ZC3HC1: variants seen among roughly 807,000 people sequenced by gnomAD.
ZC3HC1 encodes the protein zinc finger C3HC-type containing 1.
ZC3HC1 carries 38 observed loss-of-function variants against 61.9 expected under a neutral mutation model. The ratio of observed to expected loss-of-function variants is 0.61; its 90% CI spans 0.47 to 0.81. The LOEUF is 0.81. ZC3HC1 is among the 30% of genes least tolerant of loss of function. ZC3HC1 has a pLI of 0.00. For synonymous variants in ZC3HC1, 213 were observed against 229.9 expected (o/e 0.93, Z 0.67); for missense variants, 554 against 622.7 (o/e 0.89, Z 1.17).
At chr7:130,037,792 C>T (rs1377250532) in intron 4 of ZC3HC1, among the ~76,000 whole-genome samples, 1 of 152,144 alleles carries the variant, frequency 6.6e-6, no homozygotes. Context: ...AATATACCTA[C>T]ATGGCACTGA....
chr7:130,040,889 A>C (rs1056429501), intron 3 of ZC3HC1, 62 bp downstream of exon 3: 4 of 1,448,478 alleles, frequency 2.8e-6, no homozygotes, highest in African/African-American at 2.9e-5. Context: ...TTCCCCCCCC[A>C]GAAAACCAGG....
At position 130,023,583 on chromosome 7, in the gene ZC3HC1, G is replaced by T; in HGVS notation, c.1161C>A (p.Thr387=). Residue 387 remains threonine, a synonymous_variant, in exon 8 of 10, where the codon ACC becomes ACA. Coordinates refer to ENST00000358303, the MANE Select transcript of ZC3HC1 (RefSeq NM_016478.5). The surrounding 1 kb of genome is among the most constrained non-coding windows in gnomAD (Gnocchi z 4.2). ...GGCTAGATGGTACCTCCAGGCCAGG[G>T]GTGTCTCCTGTTCCCATGCTTCGGG... ...PVTRSMGTGD[T]PGLEVPSSPL... 2.5e-6 allele frequency: 4 copies of T among 1,614,102 alleles called. No homozygotes were observed. The highest frequency in any genetic ancestry group is 2.7e-5 in the African/African-American group (2 of 75,022).
At chr7:130,020,104 T>G (rs770434763) in intron 9 of ZC3HC1, among the ~76,000 whole-genome samples, 2 of 151,842 alleles carry the variant, frequency 1.3e-5, no homozygotes, top group Non-Finnish European at 1.5e-5. Flanking sequence ...CGTGAGCCAC[T>G]GCGCCCGGCC....
At chr7:130,021,098 G>A (rs1396165666) in intron 9 of ZC3HC1, among the ~76,000 whole-genome samples, 1 of 151,400 alleles carries the variant, frequency 6.6e-6, no homozygotes, top group African/African-American at 2.4e-5. Context: ...GTAGAGACGA[G>A]GTTTCACCAT....
intron 2 of ZC3HC1, chr7:130,045,567 G>A (rs1563085519): frequency 2.2e-6 from 1 of 456,998 alleles, no homozygotes; most frequent in Non-Finnish European, 4.4e-6. Context: ...TAATTATGAT[G>A]ACTTGTACTT....
At chr7:130,029,085 A>G in intron 4 of ZC3HC1, 56 bp from the exon 5 acceptor site, 2 of 1,547,666 alleles carry the variant, frequency 1.3e-6, no homozygotes, top group Non-Finnish European at 1.7e-6. Context: ...AAAATAAAAA[A>G]CACGGCTGGG....
intron 2 of ZC3HC1, chr7:130,045,380 G>C (rs1290298055): frequency 7.0e-6 from 3 of 429,628 alleles, no homozygotes; most frequent in Non-Finnish European, 1.4e-5. Context: ...ACGTGGTGTG[G>C]TACCACATTT....
chr7:130,024,089 C>T (rs569137990), intron 7 of ZC3HC1, among the ~76,000 whole-genome samples, 174 bp downstream of exon 7: 7 of 152,184 alleles, frequency 4.6e-5, no homozygotes, highest in Admixed American at 6.6e-5. Context: ...CGTGAGCCAC[C>T]GGGTCTGGCT....
intron 9 of ZC3HC1, among the ~76,000 whole-genome samples, chr7:130,020,517 G>A (rs946728819): frequency 2.7e-5 from 4 of 150,800 alleles, no homozygotes; most frequent in Non-Finnish European, 4.4e-5. Context: ...CTGCGTCAGC[G>A]TCCCAAAGTG....
At chr7:130,027,478 T>A (rs1031428430) in intron 5 of ZC3HC1, 6 of 152,222 alleles carry the variant, frequency 3.9e-5, no homozygotes, top group Admixed American at 3.9e-4. Flanking sequence ...GGTGATTAAA[T>A]GGAACAGTAA....
At chr7:130,019,723 G>A (rs1256547623) in intron 9 of ZC3HC1, among the ~76,000 whole-genome samples, 2 of 151,178 alleles carry the variant, frequency 1.3e-5, no homozygotes, top group African/African-American at 2.4e-5. Context: ...AGTATTCCAC[G>A]CAGAAAGGGT....
At chr7:130,022,095 C>T (rs1410597951) in intron 9 of ZC3HC1, among the ~76,000 whole-genome samples, 2 of 152,096 alleles carry the variant, frequency 1.3e-5, no homozygotes, top group Non-Finnish European at 2.9e-5. Context: ...TCGCTTGACC[C>T]AGGAGGCGGA....
At chr7:130,042,676 TTTTG>T (rs1374773257) in intron 2 of ZC3HC1, among the ~76,000 whole-genome samples, 1 of 152,154 alleles carries the variant, frequency 6.6e-6, no homozygotes, top group Non-Finnish European at 1.5e-5. Flanking sequence ...TGCTCAGTTT[TTTTG>T]TTTGTTTTGT....
chr7:130,043,890 T>C (rs543458627), intron 2 of ZC3HC1: 11 of 452,818 alleles, frequency 2.4e-5, no homozygotes, highest in Non-Finnish European at 4.9e-5. Flanking sequence ...AGTAAATATA[T>C]TAAGGATAAC....
At chr7:130,025,198 G>A (rs1185195683) in intron 6 of ZC3HC1, among the ~76,000 whole-genome samples, 3 of 150,958 alleles carry the variant, frequency 2.0e-5, no homozygotes, top group Non-Finnish European at 3.0e-5. Flanking sequence ...GTGAGCCACC[G>A]TACCCACCCT....
Position 130,018,678 on chromosome 7 carries a change from G to A in ZC3HC1, c.1495C>T (p.Leu499=). The A allele has an allele frequency of 6.2e-7, 1 of 1,612,274 alleles. No individual in the cohort carries two copies. The highest frequency in any genetic ancestry group is 8.5e-7 in the Non-Finnish European group (1 of 1,178,570). ...CTGGAGTATCTTCAGCATGAGCACA[G>A]AGATTCCCACTGCCGAAATATTCGG... ...VFRIFRQWES[L]CSC is the part of the protein sequence containing the mutation. The change falls in exon 10 of 10, where the codon CTG becomes TTG. Residue 499 remains leucine (L), a synonymous_variant. Coordinates refer to ENST00000358303, the MANE Select transcript of ZC3HC1 (RefSeq NM_016478.5).
intron 2 of ZC3HC1, among the ~76,000 whole-genome samples, chr7:130,044,142 T>G (rs1794783320): frequency 6.6e-6 from 1 of 152,140 alleles, no homozygotes; most frequent in Non-Finnish European, 1.5e-5. Flanking sequence ...CTGAGAACAG[T>G]GGCATCCCAC....
chr7:130,045,147 G>A (rs1370934351), intron 2 of ZC3HC1, among the ~76,000 whole-genome samples: 1 of 152,156 alleles, frequency 6.6e-6, no homozygotes, highest in Non-Finnish European at 1.5e-5. Flanking sequence ...GTTGCATTCT[G>A]GTTATGTAGG....
At chr7:130,050,346 G>T in intron 1 of ZC3HC1, 1 of 1,363,222 alleles carries the variant, frequency 7.3e-7, no homozygotes, top group South Asian at 1.3e-5. Flanking sequence ...TCAAAGTGCT[G>T]GGATTATAGG....
Sources: gnomAD v4.1 joint callset for allele counts (sites outside exome capture counted in the v4.1 genomes callset) on GRCh38, gnomAD v4.1.1 for gene constraint, Gnocchi (gnomAD v3.1) non-coding constraint, MANE v1.5 for transcripts, NCBI Gene and HGNC (gene_info 2026-07-23, HGNC 2026-07-21) for gene names.